Variants in ADAT2 observed in about 807,000 individuals in gnomAD.
The protein encoded by ADAT2 is tRNA-specific adenosine-34 deaminase catalytic subunit ADAT2.
Under a neutral mutation model 25.9 loss-of-function variants are expected in ADAT2, and 26 were observed. The observed-to-expected ratio is 1.00, with a 90% CI of 0.74 to 1.39. The LOEUF (loss-of-function observed/expected upper bound fraction) is 1.39. Ranked by LOEUF, ADAT2 falls within the 40% of genes most tolerant of loss-of-function variation. The pLI is 0.00. For synonymous variants in ADAT2, 76 were observed against 86.8 expected, an observed-to-expected ratio of 0.88 and a Z score of 0.69; for missense variants, 220 against 244.8, an observed-to-expected ratio of 0.90 and a Z score of 0.68.
chr6:143,438,277 T>C (rs2128741797), intron 2 of ADAT2, among the ~76,000 whole-genome samples: 1 of 152,312 alleles, frequency 6.6e-6, no homozygotes, highest in Admixed American at 6.5e-5. Flanking sequence ...GCTGACATTC[T>C]GATGAAATAA....
chr6:143,445,573 C>T (rs1779578025), intron 1 of ADAT2, among the ~76,000 whole-genome samples: 1 of 152,174 alleles, frequency 6.6e-6, no homozygotes. Flanking sequence ...TATCATTTAT[C>T]TCAACGGACG....
intron 1 of ADAT2, among the ~76,000 whole-genome samples, chr6:143,448,645 G>C (rs1035350883): frequency 3.3e-5 from 5 of 151,958 alleles, no homozygotes; most frequent in African/African-American, 1.2e-4. Context: ...ATTTTAATTT[G>C]AATTTCATTA....
At chr6:143,430,188 C>T (rs771377997) in intron 4 of ADAT2, among the ~76,000 whole-genome samples, 24 of 152,218 alleles carry the variant, frequency 1.6e-4, no homozygotes, top group Non-Finnish European at 2.5e-4. Context: ...CCCCCTGCTT[C>T]CTGCTGTGTT....
Position 143,432,935 on chromosome 6 carries a change from G to A in ADAT2, c.353-324C>T, listed in dbSNP as rs894336252. On this transcript the variant is annotated intron_variant, in intron 3 of 5. Transcript: ENST00000237283. The surrounding 1 kb of genome is among the most constrained non-coding windows in gnomAD (Gnocchi z 4.4). ...TTAGGGAGTCAGAACCAGAAAGGAT[G>A]CAGAAATTTAATCCAGGGATTTTCA... 3.3e-5 allele frequency among the ~76,000 whole-genome samples: 5 copies of A among 152,208 alleles called. No homozygotes were observed. Among genetic ancestry groups the A allele is most frequent in the African/African-American group, 9.7e-5 (4 of 41,450 alleles).
chr6:143,427,585 T>C lies in ADAT2; in HGVS notation c.*878A>G, dbSNP rs3088203. The C allele has an allele frequency of 0.54, 82,831 of 152,088 alleles. 23,203 individuals are homozygous for C. The highest frequency in any genetic ancestry group is 0.63 in the African/African-American group (26,034 of 41,500). The allele number at this position is 152,088 out of a possible 1,614,324, so 9.4% of individuals were successfully genotyped here. On this transcript the variant is annotated 3_prime_UTR_variant, in exon 6 of 6. Transcript: ENST00000237283. ...AACCATTTGTTTCAGATTAAATTGATCATTCTATTTTTCAGTCAGCATTCT... is the reference window on the plus strand; with the variant it reads ...AACCATTTGTTTCAGATTAAATTGACCATTCTATTTTTCAGTCAGCATTCT...
Position 143,450,663 on chromosome 6 carries a change from A to C in ADAT2, c.-5T>G. 1 of 1,612,892 alleles carries C rather than the reference A, an allele frequency of 6.2e-7. No individual in the cohort carries two copies. ...GGGTGCCGCCTTCGCCTCCATACCC[A>C]GCCACCACTCAGCTACAGAGCCCGC... is the stretch of plus-strand genomic sequence containing the variant. On this transcript the variant is annotated 5_prime_UTR_variant, in exon 1 of 6. Transcript: ENST00000237283.
At position 143,448,609 on chromosome 6, in the gene ADAT2, A is replaced by C. The variant is rs1310878028; in HGVS notation, c.96+1954T>G. On this transcript the variant is annotated intron_variant, in intron 1 of 5. Coordinates refer to ENST00000237283, the MANE Select transcript of ADAT2 (RefSeq NM_182503.3). ...ATTAAAATTGCTTTCACTTTTGCCAATTTAACAGGTAAAAAATTGTGTATC... is the reference window on the plus strand; with the variant it reads ...ATTAAAATTGCTTTCACTTTTGCCACTTTAACAGGTAAAAAATTGTGTATC... Among the ~76,000 whole-genome samples, 3 of 152,198 alleles carry C rather than the reference A, an allele frequency of 2.0e-5. No individual in the cohort carries two copies. In the East Asian group the frequency reaches 5.8e-4, roughly 29 times the overall value.
chr6:143,428,185 G>C lies in ADAT2; in HGVS notation c.*278C>G, dbSNP rs1778996759. ...CTGGACTGGGCACTTGTGGCTAGAAGGGTATGCACTACTTGCTAATTTCTA... is the reference window on the plus strand; with the variant it reads ...CTGGACTGGGCACTTGTGGCTAGAACGGTATGCACTACTTGCTAATTTCTA... On this transcript the variant is annotated 3_prime_UTR_variant, in exon 6 of 6. Transcript: ENST00000237283. This position sits in a 1 kb window ranked among gnomAD's most constrained non-coding sequence, Gnocchi z 5.0. 3 of 448,040 alleles carry C rather than the reference G, an allele frequency of 6.7e-6. No individual in the cohort carries two copies. The highest frequency in any genetic ancestry group is 1.2e-5 in the Non-Finnish European group (3 of 251,222). The allele number at this position is 448,040 out of a possible 1,614,324, so 27.8% of individuals were successfully genotyped here.
At position 143,433,913 on chromosome 6, in the gene ADAT2, A is replaced by C; in HGVS notation, c.270T>G (p.Ser90Arg). 2 of 1,613,942 alleles carry C rather than the reference A, an allele frequency of 1.2e-6. No individual in the cohort carries two copies. The highest frequency in any genetic ancestry group is 2.2e-5 in the South Asian group (2 of 91,060). ...CAGTGTGTTCAAATACTTCAGAGGG[A>C]CTCTTGCCACTTTGACGACACCAAT... ...VLDWCRQSGKSPSEVFEHTVL... is the reference protein window; with the variant it reads ...VLDWCRQSGKRPSEVFEHTVL... The change falls in exon 3 of 6, where the codon AGT (serine) becomes AGG (arginine). Residue 90 changes from serine (S) to arginine (R), a missense_variant. Transcript: ENST00000237283.
At position 143,424,497 on chromosome 6, in the gene ADAT2, C is replaced by G. The variant is rs1778873533; in HGVS notation, c.*3966G>C. 6.6e-6 allele frequency: 1 copy of G among 152,200 alleles called. No homozygotes were observed. The highest frequency in any genetic ancestry group is 2.4e-5 in the African/African-American group (1 of 41,456). 9.4% of individuals were successfully genotyped at this position (152,200 alleles called of 1,614,324 possible). ...ATGTCTCTATGGAAACCCAAGATAA[C>G]TCATATTTTATGACCAAATGACAAC... On this transcript the variant is annotated 3_prime_UTR_variant, in exon 6 of 6. Coordinates refer to ENST00000237283, the MANE Select transcript of ADAT2 (RefSeq NM_182503.3). The surrounding 1 kb of genome is among the most constrained non-coding windows in gnomAD (Gnocchi z 4.8).
Position 143,436,623 on chromosome 6 carries a change from C to T in ADAT2, c.201+1967G>A, listed in dbSNP as rs956609208. ...CTGGGGCCGAGAGCAACATGAATGA[C>T]CTGGTATCAGAGTACCAACAGTATC... On this transcript the variant is annotated intron_variant, in intron 2 of 5. Transcript: ENST00000237283. The surrounding 1 kb of genome is among the most constrained non-coding windows in gnomAD (Gnocchi z 4.1). The T allele has an allele frequency of 5.0e-6, 2 of 398,844 alleles. No individual in the cohort carries two copies. Among genetic ancestry groups the T allele is most frequent in the Admixed American group, 2.4e-5 (1 of 41,620 alleles). 24.7% of individuals were successfully genotyped at this position (398,844 alleles called of 1,614,324 possible).
chr6:143,445,022 T>A, intron 1 of ADAT2: 1 of 1,165,974 alleles, frequency 8.6e-7, no homozygotes, highest in South Asian at 1.3e-5. Flanking sequence ...AACTCTCAGG[T>A]AGAACATCAT....
chr6:143,445,091 T>C lies in ADAT2; in HGVS notation c.96+5472A>G, dbSNP rs572306182. 35 of 367,994 alleles carry C rather than the reference T, an allele frequency of 9.5e-5. No homozygotes were observed. In the South Asian group the frequency reaches 1.2e-3, roughly 13 times the overall value. 22.8% of individuals were successfully genotyped at this position (367,994 alleles called of 1,614,324 possible). A position where few individuals can be genotyped will look rare whatever the true frequency, so the allele number is the denominator to read the frequency against. On this transcript the variant is annotated intron_variant, in intron 1 of 5. Transcript: ENST00000237283. ...TGCTAATTACTCTCTTCTGAGTGAT[T>C]ACTCTCTGAGTAATTAGCAGAAACA...
At chr6:143,448,223 G>A (rs1170279029) in intron 1 of ADAT2, among the ~76,000 whole-genome samples, 3 of 152,214 alleles carry the variant, frequency 2.0e-5, no homozygotes, top group Middle Eastern at 3.4e-3. Context: ...GACACAGGGT[G>A]GGGAACATCA....
At position 143,432,535 on chromosome 6, in the gene ADAT2, A is replaced by G; in HGVS notation, c.429T>C (p.Ala143=). 3 of 1,614,246 alleles carry G rather than the reference A, an allele frequency of 1.9e-6. No individual in the cohort carries two copies. The highest frequency in any genetic ancestry group is 2.5e-6 in the Non-Finnish European group (3 of 1,180,038). The part of the protein sequence containing the change: ...GCGSVLNIAS[A]DLPNTGRPFQ... The stretch of plus-strand genomic sequence containing the variant: ...ATGGTCTCCCAGTGTTTGGTAGGTC[A>G]GCAGAGGCAATATTTAGAACAGAGC... The change falls in exon 4 of 6, where the codon GCT becomes GCC. Residue 143 remains alanine (A), a synonymous_variant. Transcript: ENST00000237283. This position sits in a 1 kb window ranked among gnomAD's most constrained non-coding sequence, Gnocchi z 4.4.
At chr6:143,449,570 G>A (rs1779699548) in intron 1 of ADAT2, among the ~76,000 whole-genome samples, 1 of 152,132 alleles carries the variant, frequency 6.6e-6, no homozygotes, top group East Asian at 1.9e-4. Context: ...TACTTGTTAG[G>A]AGGGCTACAT....
intron 1 of ADAT2, among the ~76,000 whole-genome samples, chr6:143,447,115 T>C (rs142715653): frequency 3.8e-4 from 58 of 152,348 alleles, no homozygotes; most frequent in African/African-American, 1.3e-3. Flanking sequence ...CAGATCCTTT[T>C]GTAGTGATGG....
chr6:143,423,779 A>C lies in ADAT2; in HGVS notation c.*4684T>G, dbSNP rs1172698086. ...AAGGGAGGCCAAGGACTTACACATC[A>C]AAAGTAGGGGATGAGAAATTTCATA... On this transcript the variant is annotated 3_prime_UTR_variant, in exon 6 of 6. Coordinates refer to ENST00000237283, the MANE Select transcript of ADAT2 (RefSeq NM_182503.3). The C allele has an allele frequency of 1.3e-5, 2 of 152,180 alleles. No homozygotes were observed. Among genetic ancestry groups the C allele is most frequent in the East Asian group, 3.8e-4 (2 of 5,200 alleles). The allele number at this position is 152,180 out of a possible 1,614,324, so 9.4% of individuals were successfully genotyped here.
chr6:143,449,801 C>G (rs1434959082), intron 1 of ADAT2: 2 of 152,248 alleles, frequency 1.3e-5, no homozygotes, highest in East Asian at 3.9e-4. Flanking sequence ...TACATAGAAA[C>G]TAGGGTTGTC....
Sources: allele counts gnomAD v4.1 joint callset (sites outside exome capture counted in the v4.1 genomes callset), GRCh38; gene constraint gnomAD v4.1.1; non-coding constraint Gnocchi (gnomAD v3.1); transcripts MANE v1.5; gene names NCBI Gene and HGNC (gene_info 2026-07-23, HGNC 2026-07-21).